Variants in ATXN10 observed in about 807,000 individuals in gnomAD.
ATXN10 encodes ataxin-10.
A neutral mutation model predicts 52.9 loss-of-function variants in ATXN10; 28 were observed. That is an observed-to-expected ratio of 0.53 (90% confidence interval 0.39 to 0.73). The LOEUF (loss-of-function observed/expected upper bound fraction) is 0.73. ATXN10 is among the 30% of genes least tolerant of loss of function. ATXN10 has a pLI of 0.00. For missense variants in ATXN10, 565 were observed against 577.0 expected (o/e 0.98, Z 0.21); for synonymous variants, 226 against 221.5 (o/e 1.02, Z -0.18).
In ATXN10 at chr22:45,684,140, T is replaced by G. The variant is rs561824005; in HGVS notation, c.117-5572T>G. On this transcript the variant is annotated intron_variant, in intron 1 of 11. Transcript: ENST00000252934. This position sits in a 1 kb window ranked among gnomAD's most constrained non-coding sequence, Gnocchi z 4.1. Reference sequence around the variant, plus strand: ...GCTAATTAAAACAAGTTTTTTTGTTTTTTTTTTTTTTGTAGAGATAGGGTC... The same window carrying G: ...GCTAATTAAAACAAGTTTTTTTGTTGTTTTTTTTTTTGTAGAGATAGGGTC... Among the ~76,000 whole-genome samples, 3 of 150,084 alleles carry G rather than the reference T, an allele frequency of 2.0e-5. No individual in the cohort carries two copies. Among genetic ancestry groups the G allele is most frequent in the Admixed American group, 6.6e-5 (1 of 15,062 alleles).
chr22:45,729,044 G>T (rs1924983931), intron 6 of ATXN10, among the ~76,000 whole-genome samples: 1 of 152,212 alleles, frequency 6.6e-6, no homozygotes, highest in South Asian at 2.1e-4. Context: ...TACAATGTGT[G>T]TAACATGCTT....
chr22:45,740,754 G>A lies in ATXN10; in HGVS notation c.1173+216G>A, dbSNP rs5765598. ...CACACACACACGTGTGTGTGTGTGT[G>A]TATATATATATATGTATATGTTAAT... On this transcript the variant is annotated intron_variant, in intron 9 of 11. Transcript: ENST00000252934. 1.3e-3 allele frequency: 367 copies of A among 285,796 alleles called. 2 individuals carry two copies. The highest frequency in any genetic ancestry group is 5.2e-3 in the Admixed American group (106 of 20,528). The allele number at this position is 285,796 out of a possible 1,614,324, so 17.7% of individuals were successfully genotyped here. A position where few individuals can be genotyped will look rare whatever the true frequency, so the allele number is the denominator to read the frequency against.
At position 45,696,027 on chromosome 22, in the gene ATXN10, A is replaced by T. The variant is rs1923593038; in HGVS notation, c.391+2949A>T. Among the ~76,000 whole-genome samples, 1 of 152,242 alleles carries T rather than the reference A, an allele frequency of 6.6e-6. No individual in the cohort carries two copies. Among genetic ancestry groups the T allele is most frequent in the Non-Finnish European group, 1.5e-5 (1 of 68,048 alleles). On this transcript the variant is annotated intron_variant, in intron 3 of 11. Coordinates refer to ENST00000252934, the MANE Select transcript of ATXN10 (RefSeq NM_013236.4). The surrounding 1 kb of genome is among the most constrained non-coding windows in gnomAD (Gnocchi z 4.7). ...AGTATTCCTTTAGGAAATGGTAATT[A>T]AAAATTAATTACTTCCTTTAAGAAT...
rs1338033557 is a variant in ATXN10, at chr22:45,787,639, T to G, written c.1174-19320T>G. Among the ~76,000 whole-genome samples the G allele has an allele frequency of 6.6e-6, 1 of 152,158 alleles. No homozygotes were observed. The highest frequency in any genetic ancestry group is 1.5e-5 in the Non-Finnish European group (1 of 68,018). ...CATATCCCAGCTTTGGACAGAATAG[T>G]CAGTTGGAATTAAAATAATTTAATT... On this transcript the variant is annotated intron_variant, in intron 9 of 11. Coordinates refer to ENST00000252934, the MANE Select transcript of ATXN10 (RefSeq NM_013236.4). The surrounding 1 kb of genome is among the most constrained non-coding windows in gnomAD (Gnocchi z 4.2).
chr22:45,711,679 G>T (rs1044616086), intron 5 of ATXN10, among the ~76,000 whole-genome samples: 1 of 152,132 alleles, frequency 6.6e-6, no homozygotes, highest in South Asian at 2.1e-4. Context: ...CATCTACAAT[G>T]ATCTCAAAAT....
chr22:45,839,557 A>G (rs1929276281), intron 10 of ATXN10, among the ~76,000 whole-genome samples: 1 of 152,208 alleles, frequency 6.6e-6, no homozygotes, highest in African/African-American at 2.4e-5. Context: ...CCGTATATAT[A>G]AAGCGGGCAT....
At chr22:45,791,524 G>A (rs1326066271) in intron 9 of ATXN10, among the ~76,000 whole-genome samples, 1 of 151,926 alleles carries the variant, frequency 6.6e-6, no homozygotes, top group African/African-American at 2.4e-5. Context: ...AGCATGGTCG[G>A]GTACTTTTTC....
chr22:45,735,812 C>CTTTT (rs746222703), intron 7 of ATXN10, among the ~76,000 whole-genome samples: 226 of 65,692 alleles, frequency 3.4e-3, no homozygotes, highest in East Asian at 8.0e-3. Context: ...ATTTGCTTGT[C>CTTTT]TTTTTTTTTT....
chr22:45,749,942 C>T (rs936567757), intron 9 of ATXN10, among the ~76,000 whole-genome samples: 2 of 152,088 alleles, frequency 1.3e-5, no homozygotes, highest in Admixed American at 6.5e-5. Flanking sequence ...CATAATTTAC[C>T]CCATACTGTA....
chr22:45,791,539 A>G (rs1478562475), intron 9 of ATXN10, among the ~76,000 whole-genome samples: 3 of 152,124 alleles, frequency 2.0e-5, no homozygotes, highest in Non-Finnish European at 2.9e-5. Flanking sequence ...TTTTTCTGTG[A>G]TGGTTGATAT....
At position 45,820,947 on chromosome 22, in the gene ATXN10, C is replaced by A. The variant is rs1928626176; in HGVS notation, c.1237+13925C>A. On this transcript the variant is annotated intron_variant, in intron 10 of 11. Coordinates refer to ENST00000252934, the MANE Select transcript of ATXN10 (RefSeq NM_013236.4). This position sits in a 1 kb window ranked among gnomAD's most constrained non-coding sequence, Gnocchi z 4.9. The stretch of plus-strand genomic sequence containing the variant: ...TCGAGTTTCTATGAGAAGGACCCAG[C>A]CTTGCCTTTAAGATTTTTCACCTGA... Among the ~76,000 whole-genome samples, 1 of 152,140 alleles carries A rather than the reference C, an allele frequency of 6.6e-6. No individual in the cohort carries two copies. The highest frequency in any genetic ancestry group is 2.4e-5 in the African/African-American group (1 of 41,434).
rs763325201 is a variant in ATXN10 at position 45,789,375 on chromosome 22, T to C, written c.1174-17584T>C. On this transcript the variant is annotated intron_variant, in intron 9 of 11. Coordinates refer to ENST00000252934, the MANE Select transcript of ATXN10 (RefSeq NM_013236.4). This position sits in a 1 kb window ranked among gnomAD's most constrained non-coding sequence, Gnocchi z 4.0. ...TGCTTCTCACGCGCATATATTTTTTTTCCGCAAATCATTGTTAAGTATCTC... is the reference window on the plus strand; with the variant it reads ...TGCTTCTCACGCGCATATATTTTTTCTCCGCAAATCATTGTTAAGTATCTC... Among the ~76,000 whole-genome samples, 6 of 152,210 alleles carry C rather than the reference T, an allele frequency of 3.9e-5. No individual in the cohort carries two copies. The highest frequency in any genetic ancestry group is 8.8e-5 in the Non-Finnish European group (6 of 68,044).
chr22:45,839,901 C>T (rs1283422621), intron 10 of ATXN10, among the ~76,000 whole-genome samples: 11 of 152,378 alleles, frequency 7.2e-5, no homozygotes, highest in African/African-American at 2.6e-4. Flanking sequence ...TGGGTCGCTG[C>T]AGTGCCGCCA....
In ATXN10 at chr22:45,770,407, GA is replaced by G. The variant is rs1399278546; in HGVS notation, c.1173+29870del. ...TGATGTGAAAAAGAGGGGGGTATGT[GA>G]TGAATATACACACTAATGGGACACA... On this transcript the variant is annotated intron_variant, in intron 9 of 11. Transcript: ENST00000252934. The surrounding 1 kb of genome is among the most constrained non-coding windows in gnomAD (Gnocchi z 4.5). 5.3e-5 allele frequency among the ~76,000 whole-genome samples: 8 copies of G among 152,218 alleles called. No individual in the cohort carries two copies. Among genetic ancestry groups the G allele is most frequent in the Non-Finnish European group, 1.2e-4 (8 of 68,032 alleles).
intron 1 of ATXN10, chr22:45,689,491 A>G: frequency 1.7e-6 from 1 of 579,124 alleles, no homozygotes; most frequent in Non-Finnish European, 3.1e-6. Context: ...AGGCTGTTGC[A>G]GAGACTGAGA....
At chr22:45,834,697 C>T (rs576103776) in intron 10 of ATXN10, among the ~76,000 whole-genome samples, 4 of 152,360 alleles carry the variant, frequency 2.6e-5, no homozygotes, top group Admixed American at 2.6e-4. Flanking sequence ...AACACTCATA[C>T]TGTAGCCAGG....
intron 10 of ATXN10, among the ~76,000 whole-genome samples, chr22:45,812,029 A>G (rs1359559661): frequency 6.6e-6 from 1 of 152,196 alleles, no homozygotes; most frequent in African/African-American, 2.4e-5. Flanking sequence ...AGGCACACCT[A>G]CGTTTTTGTT....
intron 5 of ATXN10, among the ~76,000 whole-genome samples, chr22:45,714,994 C>T (rs1924392485): frequency 6.6e-6 from 1 of 152,154 alleles, no homozygotes; most frequent in Non-Finnish European, 1.5e-5. Flanking sequence ...AGTCCCTATA[C>T]CCTTACTGCT....
In ATXN10 at chr22:45,835,650, C is replaced by T. The variant is rs1042102918; in HGVS notation, c.1238-7341C>T. ...TTTATGGGGCCTATGTACCACTTCC[C>T]TTACGGCCTAGAAGCCGATTAGCAG... On this transcript the variant is annotated intron_variant, in intron 10 of 11. Coordinates refer to ENST00000252934, the MANE Select transcript of ATXN10 (RefSeq NM_013236.4). The surrounding 1 kb of genome is among the most constrained non-coding windows in gnomAD (Gnocchi z 5.0). 6.6e-6 allele frequency among the ~76,000 whole-genome samples: 1 copy of T among 152,242 alleles called. No individual in the cohort carries two copies. Among genetic ancestry groups the T allele is most frequent in the African/African-American group, 2.4e-5 (1 of 41,470 alleles).
Sources: allele counts gnomAD v4.1 joint callset (sites outside exome capture counted in the v4.1 genomes callset), GRCh38; gene constraint gnomAD v4.1.1; non-coding constraint Gnocchi (gnomAD v3.1); transcripts MANE v1.5; gene names NCBI Gene and HGNC (gene_info 2026-07-23, HGNC 2026-07-21).